DLGAP2: variants seen among roughly 807,000 people sequenced by gnomAD.
The protein encoded by DLGAP2 is DLG associated protein 2, also known as disks large-associated protein 2.
Under a neutral mutation model 100.3 loss-of-function variants are expected in DLGAP2, and 26 were observed. The observed-to-expected ratio is 0.26, with a 90% CI of 0.19 to 0.36. DLGAP2 has a LOEUF of 0.36. DLGAP2 is among the 10% of genes least tolerant of loss of function. DLGAP2 has a pLI of 1.00. For missense variants in DLGAP2, 1,858 were observed against 1,453.2 expected, an observed-to-expected ratio of 1.28 and a Z score of -4.53; for synonymous variants, 886 against 630.1, an observed-to-expected ratio of 1.41 and a Z score of -6.08.
chr8:1,030,329 C>T (rs1801937538), intron 2 of DLGAP2, among the ~76,000 whole-genome samples: 1 of 152,144 alleles, frequency 6.6e-6, no homozygotes, highest in Admixed American at 6.5e-5. Flanking sequence ...TGTTGTGAAA[C>T]TCTTTGTGTA....
intron 4 of DLGAP2, among the ~76,000 whole-genome samples, chr8:1,503,944 C>A (rs1173986524): frequency 1.3e-5 from 2 of 152,166 alleles, no homozygotes; most frequent in East Asian, 3.9e-4. Flanking sequence ...AGCCCAGGGA[C>A]CTGAAGCAGC....
At chr8:1,486,601 G>A (rs746891353) in intron 3 of DLGAP2, among the ~76,000 whole-genome samples, 3 of 148,420 alleles carry the variant, frequency 2.0e-5, no homozygotes, top group African/African-American at 7.3e-5. Context: ...ATGCGGCGGC[G>A]GCTCCTGAGC....
chr8:1,698,963 T>C (rs12676239), intron 14 of DLGAP2, among the ~76,000 whole-genome samples: 54,639 of 151,224 alleles, frequency 0.36, 10,269 homozygotes, highest in Middle Eastern at 0.46. Flanking sequence ...GACAGGTCCA[T>C]GTAAGCCATG....
At chr8:1,317,363 C>CT in intron 3 of DLGAP2, among the ~76,000 whole-genome samples, 1 of 131,430 alleles carries the variant, frequency 7.6e-6, no homozygotes, top group African/African-American at 2.9e-5. Context: ...ACTCGAGAAA[C>CT]TCGGCAGCTT....
intron 8 of DLGAP2, among the ~76,000 whole-genome samples, chr8:1,653,227 A>T (rs555895262): frequency 6.8e-4 from 103 of 151,112 alleles, no homozygotes; most frequent in African/African-American, 2.4e-3. Context: ...CCAGGCCTGG[A>T]GACACGGGCA....
At chr8:1,689,879 C>G (rs778670945) in intron 12 of DLGAP2, among the ~76,000 whole-genome samples, 1 of 152,232 alleles carries the variant, frequency 6.6e-6, no homozygotes, top group African/African-American at 2.4e-5. Flanking sequence ...ACTGGGCACG[C>G]TCTATGGAAG....
At chr8:1,619,988 G>A (rs910538310) in intron 6 of DLGAP2, 3 of 152,144 alleles carry the variant, frequency 2.0e-5, no homozygotes, top group Non-Finnish European at 4.4e-5. Context: ...CTCTTTGAGT[G>A]TCTTTCCCAT....
chr8:914,364 C>T (rs1476777933), intron 2 of DLGAP2, among the ~76,000 whole-genome samples: 1 of 152,214 alleles, frequency 6.6e-6, no homozygotes, highest in African/African-American at 2.4e-5. Context: ...AAGCCACGTT[C>T]CTCATATGCT....
chr8:1,678,466 C>T lies in DLGAP2; in HGVS notation c.2541C>T (p.Pro847=), dbSNP rs375922695. Residue 847 remains proline, a synonymous_variant, in exon 12 of 15, where the codon CCC becomes CCT. Coordinates refer to ENST00000637795, the MANE Select transcript of DLGAP2 (RefSeq NM_001346810.2). ...VDTSTLPPPD[P]WLEPAIDTVE... is the part of the protein sequence containing the mutation. ...CCTCCACCCTGCCCCCTCCAGACCC[C>T]TGGCTGGAGCCCGCCATCGACACGG... 4.2e-5 allele frequency: 68 copies of T among 1,613,320 alleles called. No homozygotes were observed. In the African/African-American group the frequency reaches 8.9e-4, roughly 21 times the overall value.
intron 2 of DLGAP2, among the ~76,000 whole-genome samples, chr8:1,194,452 G>A (rs1202968945): frequency 6.6e-6 from 1 of 152,128 alleles, no homozygotes; most frequent in African/African-American, 2.4e-5. Flanking sequence ...GCCTCCAGGT[G>A]GGGAGGACGG....
At chr8:1,617,989 A>G (rs1797212199) in intron 6 of DLGAP2, among the ~76,000 whole-genome samples, 1 of 152,220 alleles carries the variant, frequency 6.6e-6, no homozygotes, top group South Asian at 2.1e-4. Flanking sequence ...AACCCTGGGG[A>G]AAAAATGTCA....
intron 1 of DLGAP2, among the ~76,000 whole-genome samples, chr8:897,717 C>T (rs1584872426): frequency 1.3e-5 from 2 of 152,098 alleles, no homozygotes; most frequent in African/African-American, 4.8e-5. Flanking sequence ...GCTCACAGGG[C>T]TGCATCCTGA....
chr8:1,245,348 A>G (rs909881259), intron 2 of DLGAP2, among the ~76,000 whole-genome samples: 2 of 152,256 alleles, frequency 1.3e-5, no homozygotes, highest in African/African-American at 4.8e-5. Context: ...CAGGTCAAGT[A>G]TCCGGAAACG....
intron 4 of DLGAP2, among the ~76,000 whole-genome samples, chr8:1,547,253 C>A (rs35592989): frequency 6.6e-6 from 1 of 151,928 alleles, no homozygotes; most frequent in Non-Finnish European, 1.5e-5. Context: ...CGGGATGGCC[C>A]GTGGCTGTCA....
chr8:1,151,446 G>A (rs997130161), intron 2 of DLGAP2, among the ~76,000 whole-genome samples: 3 of 152,194 alleles, frequency 2.0e-5, no homozygotes, highest in Admixed American at 6.5e-5. Context: ...TGGCCTACGC[G>A]GGGGCAGCTT....
intron 3 of DLGAP2, among the ~76,000 whole-genome samples, chr8:1,363,266 G>A (rs1436137191): frequency 3.3e-5 from 5 of 152,182 alleles, no homozygotes; most frequent in Middle Eastern, 3.2e-3. Flanking sequence ...GCGCCCCCAC[G>A]CCCATGGCAT....
intron 2 of DLGAP2, among the ~76,000 whole-genome samples, chr8:1,044,194 A>G (rs1802453288): frequency 6.6e-6 from 1 of 152,172 alleles, no homozygotes; most frequent in South Asian, 2.1e-4. Context: ...AGCCCTGTTG[A>G]GAGGAACTGG....
rs760887028 is a variant in DLGAP2, at chr8:1,417,679, AG to A, written c.107-83681del. Among the ~76,000 whole-genome samples, 1,241 of 129,876 alleles carry A rather than the reference AG, an allele frequency of 9.6e-3. 93 individuals are homozygous for A. Among genetic ancestry groups the A allele is most frequent in the East Asian group, 0.053 (142 of 2,672 alleles). 85.2% of individuals were successfully genotyped at this position (129,876 alleles called of 152,430 possible). ...CTCCTGCCTCACTCCGCGAGGCTCC[AG>A]GGGGGCACAGGGGGCCCCACTCCTG... On this transcript the variant is annotated intron_variant, in intron 3 of 14. Transcript: ENST00000637795.
chr8:819,466 A>C (rs902473138), intron 1 of DLGAP2, among the ~76,000 whole-genome samples: 42 of 152,354 alleles, frequency 2.8e-4, no homozygotes, highest in African/African-American at 1.0e-3. Context: ...CACAGTCATT[A>C]CTATTATTCC....
Sources: allele counts gnomAD v4.1 joint callset (sites outside exome capture counted in the v4.1 genomes callset), GRCh38; gene constraint gnomAD v4.1.1; transcripts MANE v1.5; gene names NCBI Gene and HGNC (gene_info 2026-07-23, HGNC 2026-07-21).